The following CGAS variants were observed in gnomAD, a reference collection of about 807,000 sequenced individuals.
CGAS encodes 2'3'-cGAMP synthase.
Under a neutral mutation model 34.0 loss-of-function variants are expected in CGAS, and 31 were observed. The ratio of observed to expected loss-of-function variants is 0.91; its 90% confidence interval spans 0.69 to 1.23. The LOEUF is 1.23. Among genes scored for constraint, CGAS ranks in the 50% most tolerant of loss-of-function variants. The pLI, the probability that CGAS is intolerant of heterozygous loss-of-function variation, is 0.00. For synonymous variants in CGAS, 266 were observed against 260.0 expected (o/e 1.02, Z -0.22); for missense variants, 597 against 657.6 (o/e 0.91, Z 1.01).
rs758627851 is a variant in CGAS, at chr6:73,445,564, T to C, written c.841A>G (p.Arg281Gly). The change falls in exon 2 of 5, where the codon AGG becomes GGG. Residue 281 changes from arginine to glycine, a missense_variant. Transcript: ENST00000370315. ...LSASKMLSKF[R>G]KIIKEEINDI... ...TTAATTTCTTCCTTAATGATTTTCC[T>C]AAACTTTGACAGCATCTTAGAAGCT... The C allele has an allele frequency of 9.3e-6, 15 of 1,607,088 alleles. No individual in the cohort carries two copies. The Admixed American group carries it at 2.5e-4, about 27-fold the overall frequency.
chr6:73,441,075 T>G (rs1393187342), intron 2 of CGAS, among the ~76,000 whole-genome samples: 1 of 151,442 alleles, frequency 6.6e-6, no homozygotes. Flanking sequence ...TTTTTCTTTT[T>G]CTTTTTCTTT....
chr6:73,441,801 G>A (rs1770386092), intron 2 of CGAS, among the ~76,000 whole-genome samples: 1 of 152,132 alleles, frequency 6.6e-6, no homozygotes, highest in South Asian at 2.1e-4. Flanking sequence ...AGAAAAATCT[G>A]CAAACCTGGC....
At chr6:73,439,406 G>A (rs1348399587) in intron 3 of CGAS, among the ~76,000 whole-genome samples, 2 of 151,038 alleles carry the variant, frequency 1.3e-5, no homozygotes, top group Non-Finnish European at 3.0e-5. Flanking sequence ...GCTTTAACCC[G>A]GGAGGCAGAG....
intron 2 of CGAS, among the ~76,000 whole-genome samples, chr6:73,445,248 A>G (rs937746453): frequency 1.3e-5 from 2 of 151,982 alleles, no homozygotes; most frequent in South Asian, 4.2e-4. Context: ...TTAATCATTT[A>G]ATTTAATCAA....
At chr6:73,449,396 A>G (rs1770523405) in intron 1 of CGAS, among the ~76,000 whole-genome samples, 1 of 151,212 alleles carries the variant, frequency 6.6e-6, no homozygotes, top group Non-Finnish European at 1.5e-5. Context: ...AATGGTGTGA[A>G]CCCAGTAGGC....
At chr6:73,428,096 C>T (rs576322182) in intron 4 of CGAS, among the ~76,000 whole-genome samples, 26 of 151,972 alleles carry the variant, frequency 1.7e-4, no homozygotes, top group Admixed American at 3.9e-4. Flanking sequence ...TGGTGGCATG[C>T]ACCTGTAATC....
chr6:73,440,197 T>C lies in CGAS; in HGVS notation c.1114+12A>G. 6.3e-7 allele frequency: 1 copy of C among 1,596,656 alleles called. No homozygotes were observed. Among genetic ancestry groups the C allele is most frequent in the Non-Finnish European group, 8.6e-7 (1 of 1,168,912 alleles). On this transcript the variant is annotated intron_variant, in intron 3 of 4. Coordinates refer to ENST00000370315, the MANE Select transcript of CGAS (RefSeq NM_138441.3). The stretch of plus-strand genomic sequence containing the variant: ...TTTTACTTCTTTAAGTTAACTTTAA[T>C]ATTTAAAATACCTTGGAAACCATTT...
chr6:73,439,517 G>A (rs77104390), intron 3 of CGAS, among the ~76,000 whole-genome samples: 3 of 149,868 alleles, frequency 2.0e-5, no homozygotes, highest in Admixed American at 6.7e-5. Flanking sequence ...AAAAAAAAAA[G>A]TTACTTCCTT....
chr6:73,439,696 A>G (rs1770342916), intron 3 of CGAS: 1 of 153,226 alleles, frequency 6.5e-6, no homozygotes, highest in Non-Finnish European at 1.5e-5. Context: ...GAAAGAGAGA[A>G]CCAGGGCTGA....
rs142981671 is a variant in CGAS, at chr6:73,428,741, C to T, written c.1185G>A (p.Thr395=). The change falls in exon 4 of 5, where the codon ACG becomes ACA. Residue 395 remains threonine (T), a synonymous_variant. Transcript: ENST00000370315. ...ATTTCTCTTCTTTGTTTTCACAGCA[C>T]GTTTTAGATTTTCCATGATTGTTCA... ...EILNNHGKSK[T]CCENKEEKCC... 2.9e-4 allele frequency: 469 copies of T among 1,613,710 alleles called. 1 individual carries two copies. Among genetic ancestry groups the T allele is most frequent in the African/African-American group, 2.2e-3 (165 of 75,000 alleles).
chr6:73,449,293 G>A (rs559237341), intron 1 of CGAS, among the ~76,000 whole-genome samples: 40 of 151,946 alleles, frequency 2.6e-4, no homozygotes, highest in African/African-American at 5.8e-4. Context: ...TGGCTAACAC[G>A]GTGAAACCCC....
In CGAS at chr6:73,428,820, C is replaced by A; in HGVS notation, c.1115-9G>T. The A allele has an allele frequency of 6.2e-7, 1 of 1,601,746 alleles. No individual in the cohort carries two copies. Among genetic ancestry groups the A allele is most frequent in the Admixed American group, 1.8e-5 (1 of 56,680 alleles). The stretch of plus-strand genomic sequence containing the variant: ...TAGCCGCCATGTTTCTTCTTAATTT[C>A]AAAAAGAAAAACAAAAAAGCACTTT... On this transcript the variant is annotated splice_polypyrimidine_tract_variant and intron_variant, in intron 3 of 4. Coordinates refer to ENST00000370315, the MANE Select transcript of CGAS (RefSeq NM_138441.3).
rs1342559470 is a variant in CGAS, at chr6:73,445,710, A to T, written c.695T>A (p.Leu232Gln). The change falls in exon 2 of 5, where the codon CTG becomes CAG. Residue 232 changes from leucine to glutamine, a missense_variant. Coordinates refer to ENST00000370315, the MANE Select transcript of CGAS (RefSeq NM_138441.3). The stretch of plus-strand genomic sequence containing the variant: ...TTCTAGTTGAATTCTGGGGACTTCC[A>T]GTTTAAACATGACATCAAATTCATT... ...APNEFDVMFKLEVPRIQLEEY... is the reference protein window; with the variant it reads ...APNEFDVMFKQEVPRIQLEEY... The T allele has an allele frequency of 8.1e-6, 13 of 1,611,034 alleles. No homozygotes were observed. The highest frequency in any genetic ancestry group is 1.7e-5 in the Admixed American group (1 of 59,636).
rs1403006912 is a variant in CGAS, at chr6:73,445,582, T to A, written c.823A>T (p.Lys275Ter). Reference sequence around the variant, plus strand: ...ATTTTCCTAAACTTTGACAGCATCTTAGAAGCTGATAATATTTCACCTTCT... The same window carrying A: ...ATTTTCCTAAACTTTGACAGCATCTAAGAAGCTGATAATATTTCACCTTCT... The part of the protein sequence containing the change: ...FLEGEILSAS[K>*]MLSKFRKIIK... The change falls in exon 2 of 5, where the codon AAG becomes TAG. Residue 275 changes from lysine (K) to a stop codon, truncating the protein, a stop_gained. Transcript: ENST00000370315. LOFTEE classifies it high-confidence loss of function. 3.1e-6 allele frequency: 5 copies of A among 1,610,768 alleles called. No individual in the cohort carries two copies. Among genetic ancestry groups the A allele is most frequent in the Non-Finnish European group, 4.2e-6 (5 of 1,179,208 alleles).
intron 4 of CGAS, among the ~76,000 whole-genome samples, chr6:73,425,998 A>C (rs9360678): frequency 1.4e-5 from 2 of 147,588 alleles, no homozygotes; most frequent in African/African-American, 2.5e-5. Flanking sequence ...AAACAAAAAC[A>C]AAAAAGCCGG....
intron 3 of CGAS, among the ~76,000 whole-genome samples, chr6:73,429,158 C>T (rs1165707901): frequency 6.7e-6 from 1 of 150,240 alleles, no homozygotes; most frequent in African/African-American, 2.5e-5. Context: ...CCATTGCACT[C>T]CAGCCTGGGC....
intron 3 of CGAS, among the ~76,000 whole-genome samples, chr6:73,430,117 A>G (rs977446198): frequency 2.0e-5 from 3 of 152,096 alleles, no homozygotes; most frequent in African/African-American, 4.8e-5. Flanking sequence ...TAAAAGGTAG[A>G]TTTTAGAAAA....
chr6:73,433,369 C>A (rs541377002), intron 3 of CGAS, among the ~76,000 whole-genome samples: 2 of 151,796 alleles, frequency 1.3e-5, no homozygotes, highest in South Asian at 4.2e-4. Flanking sequence ...TTAAGTGATT[C>A]TCTTGCGTAA....
rs201729997 is a variant in CGAS, at chr6:73,434,642, G to C, written c.1114+5567C>G. On this transcript the variant is annotated intron_variant, in intron 3 of 4. Transcript: ENST00000370315. ...ACATTAAGAAAAACTAAGGAAATCTGGATAAAGTATATAATTTTTTTTTTT... is the reference window on the plus strand; with the variant it reads ...ACATTAAGAAAAACTAAGGAAATCTCGATAAAGTATATAATTTTTTTTTTT... Among the ~76,000 whole-genome samples, 23 of 151,966 alleles carry C rather than the reference G, an allele frequency of 1.5e-4. No individual in the cohort carries two copies. The East Asian group carries it at 4.4e-3, about 29-fold the overall frequency.
Sources: gnomAD v4.1 joint callset for allele counts (sites outside exome capture counted in the v4.1 genomes callset) on GRCh38, gnomAD v4.1.1 for gene constraint, MANE v1.5 for transcripts, NCBI Gene and HGNC (gene_info 2026-07-23, HGNC 2026-07-21) for gene names.